Variants in PID1 observed in about 807,000 individuals in gnomAD.
The protein encoded by PID1 is phosphotyrosine interaction domain containing 1.
A neutral mutation model predicts 19.1 loss-of-function variants in PID1; 10 were observed. That is an observed-to-expected ratio of 0.52 (90% confidence interval 0.32 to 0.89). PID1 has a LOEUF of 0.89. Ranked by LOEUF, PID1 falls within the 40% of genes least tolerant of loss-of-function variation. PID1 has a pLI of 0.03. For synonymous variants in PID1, 130 were observed against 116.0 expected (o/e 1.12, Z -0.78); for missense variants, 248 against 285.3 (o/e 0.87, Z 0.94).
At chr2:229,065,439 T>G (rs1694303680) in intron 2 of PID1, among the ~76,000 whole-genome samples, 1 of 152,152 alleles carries the variant, frequency 6.6e-6, no homozygotes, top group African/African-American at 2.4e-5. Flanking sequence ...CTTCATTGTC[T>G]GCTGGAAGTA....
At chr2:229,212,494 A>C (rs1398724655) in intron 1 of PID1, among the ~76,000 whole-genome samples, 1 of 152,206 alleles carries the variant, frequency 6.6e-6, no homozygotes, top group Non-Finnish European at 1.5e-5. Context: ...TCTGTGTTCT[A>C]TCTAGAGCTG....
intron 1 of PID1, among the ~76,000 whole-genome samples, chr2:229,268,131 G>A (rs1416047200): frequency 6.6e-6 from 1 of 152,162 alleles, no homozygotes; most frequent in Non-Finnish European, 1.5e-5. Context: ...AACTTGCCTC[G>A]GTTTGTGTGA....
chr2:229,236,987 TACAC>T (rs201772514), intron 1 of PID1, among the ~76,000 whole-genome samples: 22,943 of 107,622 alleles, frequency 0.21, 1,887 homozygotes, highest in Admixed American at 0.28. Context: ...TACACACACA[TACAC>T]ACACACACAC....
chr2:229,137,806 C>T (rs564786557), intron 2 of PID1, among the ~76,000 whole-genome samples: 1 of 152,152 alleles, frequency 6.6e-6, no homozygotes, highest in Non-Finnish European at 1.5e-5. Context: ...CTTTGCTTGG[C>T]TAATTTTTAA....
intron 1 of PID1, among the ~76,000 whole-genome samples, chr2:229,217,534 G>T (rs1262522350): frequency 6.6e-6 from 1 of 152,208 alleles, no homozygotes; most frequent in African/African-American, 2.4e-5. Context: ...TGTAGACAGG[G>T]AGGATGCTAC....
At chr2:229,043,386 T>G (rs1470352112) in intron 2 of PID1, among the ~76,000 whole-genome samples, 1 of 152,164 alleles carries the variant, frequency 6.6e-6, no homozygotes, top group African/African-American at 2.4e-5. Context: ...TAGAGGCTTA[T>G]GGATTGTAAT....
chr2:229,108,335 C>T (rs763106932), intron 2 of PID1, among the ~76,000 whole-genome samples: 7 of 152,148 alleles, frequency 4.6e-5, no homozygotes, highest in East Asian at 3.9e-4. Flanking sequence ...GTGATCACTA[C>T]GCACCCTGTA....
At chr2:229,128,130 A>G (rs944803765) in intron 2 of PID1, among the ~76,000 whole-genome samples, 4 of 56,926 alleles carry the variant, frequency 7.0e-5, no homozygotes, top group Admixed American at 5.7e-4. Context: ...GCAAAGGTAA[A>G]TGGATTGGGA....
At chr2:229,263,582 A>G (rs1204983849) in intron 1 of PID1, among the ~76,000 whole-genome samples, 1 of 152,180 alleles carries the variant, frequency 6.6e-6, no homozygotes. Flanking sequence ...TGCTGCCTGA[A>G]CAAGCTGGGG....
Position 229,135,005 on chromosome 2 carries a change from G to A in PID1, c.177+20813C>T, listed in dbSNP as rs184141570. 2.8e-4 allele frequency among the ~76,000 whole-genome samples: 43 copies of A among 152,224 alleles called. No individual in the cohort carries two copies. In the East Asian group the frequency reaches 8.1e-3, roughly 29 times the overall value. On this transcript the variant is annotated intron_variant, in intron 2 of 2. Transcript: ENST00000392055. The stretch of plus-strand genomic sequence containing the variant: ...GAATGAAGAAACAAAGAAGAAAAAC[G>A]AAGATGGGGAATAAAGAAGAGGAGA...
At chr2:229,081,326 AG>A (rs1259958472) in intron 2 of PID1, among the ~76,000 whole-genome samples, 1 of 152,248 alleles carries the variant, frequency 6.6e-6, no homozygotes, top group Admixed American at 6.5e-5. Flanking sequence ...GGACTCTTGC[AG>A]GGAAGACCAA....
At chr2:229,040,324 C>CAAAT (rs1400388113) in intron 2 of PID1, among the ~76,000 whole-genome samples, 1 of 150,836 alleles carries the variant, frequency 6.6e-6, no homozygotes, top group Non-Finnish European at 1.5e-5. Flanking sequence ...CGTCAACAAA[C>CAAAT]AAACAAACAA....
intron 1 of PID1, among the ~76,000 whole-genome samples, chr2:229,223,649 C>T (rs1238816148): frequency 6.6e-6 from 1 of 152,202 alleles, no homozygotes; most frequent in Non-Finnish European, 1.5e-5. Context: ...ACAGTGAAGG[C>T]TCCTACTGGG....
intron 2 of PID1, among the ~76,000 whole-genome samples, chr2:229,147,146 A>G (rs1035641900): frequency 6.6e-6 from 1 of 152,348 alleles, no homozygotes; most frequent in Non-Finnish European, 1.5e-5. Flanking sequence ...CACCAGACAA[A>G]TCACAAGTTA....
intron 1 of PID1, chr2:229,227,988 T>A (rs1273463249): frequency 2.2e-6 from 1 of 456,016 alleles, no homozygotes; most frequent in South Asian, 1.5e-5. Flanking sequence ...ATTTTGGTAT[T>A]CACAAGAGGT....
At chr2:229,139,702 C>A in intron 2 of PID1, among the ~76,000 whole-genome samples, 1 of 152,214 alleles carries the variant, frequency 6.6e-6, no homozygotes, top group Admixed American at 6.5e-5. Flanking sequence ...CAGACCGTGG[C>A]CAAAGCTACA....
chr2:229,231,575 C>T (rs1463694380), intron 1 of PID1, among the ~76,000 whole-genome samples: 1 of 152,114 alleles, frequency 6.6e-6, no homozygotes, highest in Non-Finnish European at 1.5e-5. Context: ...AGAGCCCAGG[C>T]ACTCTGAGAC....
At chr2:229,101,950 T>A (rs1695082553) in intron 2 of PID1, among the ~76,000 whole-genome samples, 1 of 152,172 alleles carries the variant, frequency 6.6e-6, no homozygotes, top group African/African-American at 2.4e-5. Context: ...GCCTGGATTG[T>A]CTAGGTGGGT....
At chr2:229,179,275 C>T (rs1481679490) in intron 1 of PID1, among the ~76,000 whole-genome samples, 2 of 152,116 alleles carry the variant, frequency 1.3e-5, no homozygotes. Flanking sequence ...AGGCTAGGGA[C>T]CTCCATGGCT....
Sources: allele counts gnomAD v4.1 joint callset (sites outside exome capture counted in the v4.1 genomes callset), GRCh38; gene constraint gnomAD v4.1.1; transcripts MANE v1.5; gene names NCBI Gene and HGNC (gene_info 2026-07-23, HGNC 2026-07-21).